SLC24A3: variants seen among roughly 807,000 people sequenced by gnomAD.
SLC24A3 encodes the protein sodium/potassium/calcium exchanger 3.
A neutral mutation model predicts 75.8 loss-of-function variants in SLC24A3; 28 were observed. That is an observed-to-expected ratio of 0.37 (90% CI 0.27 to 0.51). The LOEUF (loss-of-function observed/expected upper bound fraction) is 0.51. SLC24A3 is among the 20% of genes least tolerant of loss of function. The pLI is 0.94. For missense variants in SLC24A3, 663 were observed against 847.8 expected, an observed-to-expected ratio of 0.78 and a Z score of 2.71; for synonymous variants, 372 against 334.1, an observed-to-expected ratio of 1.11 and a Z score of -1.24.
At chr20:19,575,773 A>C (rs1177966361) in intron 3 of SLC24A3, among the ~76,000 whole-genome samples, 1 of 152,214 alleles carries the variant, frequency 6.6e-6, no homozygotes, top group East Asian at 1.9e-4. Context: ...TTTGTAGTGC[A>C]TCTGGTAAAA....
chr20:19,500,027 G>C (rs1435238652), intron 2 of SLC24A3, among the ~76,000 whole-genome samples: 3 of 152,164 alleles, frequency 2.0e-5, no homozygotes, highest in Admixed American at 6.5e-5. Context: ...GAACGACATG[G>C]TGGATGTAGC....
chr20:19,381,365 G>A (rs1986178171), intron 2 of SLC24A3, among the ~76,000 whole-genome samples: 1 of 152,146 alleles, frequency 6.6e-6, no homozygotes, highest in African/African-American at 2.4e-5. Flanking sequence ...GAGCTGAGAA[G>A]AGAAACACAA....
intron 1 of SLC24A3, among the ~76,000 whole-genome samples, chr20:19,254,237 G>A (rs1302999195): frequency 6.8e-6 from 1 of 147,498 alleles, no homozygotes; most frequent in Non-Finnish European, 1.5e-5. Context: ...CGACCCCAGA[G>A]TCTGGCTTCA....
At chr20:19,567,515 G>C (rs1161268715) in intron 3 of SLC24A3, among the ~76,000 whole-genome samples, 1 of 152,192 alleles carries the variant, frequency 6.6e-6, no homozygotes, top group African/African-American at 2.4e-5. Context: ...GAGGGTAGGG[G>C]TGGGAGGAAG....
intron 2 of SLC24A3, among the ~76,000 whole-genome samples, chr20:19,471,885 A>G (rs796564341): frequency 2.6e-5 from 4 of 152,358 alleles, no homozygotes; most frequent in African/African-American, 9.6e-5. Context: ...AAAAAAGAGC[A>G]ACATTTGAAA....
chr20:19,295,149 GTTGT>G (rs759487449), intron 2 of SLC24A3, among the ~76,000 whole-genome samples: 3 of 152,142 alleles, frequency 2.0e-5, no homozygotes, highest in African/African-American at 4.8e-5. Context: ...TTTTAATGGG[GTTGT>G]TTGTTTTTCT....
intron 1 of SLC24A3, among the ~76,000 whole-genome samples, chr20:19,246,995 A>G (rs1600391620): frequency 1.3e-5 from 2 of 152,348 alleles, no homozygotes. Context: ...TTTAATCAAT[A>G]TTTTATTTGT....
intron 3 of SLC24A3, among the ~76,000 whole-genome samples, chr20:19,545,792 G>A (rs1401745540): frequency 6.6e-6 from 1 of 152,182 alleles, no homozygotes; most frequent in Non-Finnish European, 1.5e-5. Context: ...TTTTCCTGAT[G>A]TAAATGGATT....
At chr20:19,595,745 T>C (rs2031443871) in intron 6 of SLC24A3, among the ~76,000 whole-genome samples, 1 of 152,072 alleles carries the variant, frequency 6.6e-6, no homozygotes, top group African/African-American at 2.4e-5. Context: ...CAATCAATGA[T>C]CAGATAATAG....
chr20:19,461,077 G>A (rs1987662892), intron 2 of SLC24A3, among the ~76,000 whole-genome samples: 1 of 152,218 alleles, frequency 6.6e-6, no homozygotes, highest in Admixed American at 6.5e-5. Flanking sequence ...AAGAGATCAA[G>A]GTGAGGCTGA....
chr20:19,519,535 A>G (rs1241759326), intron 3 of SLC24A3, among the ~76,000 whole-genome samples: 1 of 152,204 alleles, frequency 6.6e-6, no homozygotes, highest in African/African-American at 2.4e-5. Flanking sequence ...TTTGTCATGT[A>G]TGGTTTCCTT....
chr20:19,698,485 C>A (rs2032836258), intron 14 of SLC24A3, 83 bp from the exon 15 acceptor site: 2 of 901,682 alleles, frequency 2.2e-6, no homozygotes, highest in Non-Finnish European at 3.5e-6. Context: ...CACTCTCTGG[C>A]TGTGAGACTA....
intron 2 of SLC24A3, among the ~76,000 whole-genome samples, chr20:19,355,769 G>A (rs928286707): frequency 1.3e-5 from 2 of 152,172 alleles, no homozygotes; most frequent in African/African-American, 4.8e-5. Flanking sequence ...AATAACTCCT[G>A]TCAGTTTGAA....
At chr20:19,250,547 G>C (rs777270189) in intron 1 of SLC24A3, among the ~76,000 whole-genome samples, 1 of 152,194 alleles carries the variant, frequency 6.6e-6, no homozygotes, top group Non-Finnish European at 1.5e-5. Flanking sequence ...GTGTGCCAAA[G>C]AATCAGATGT....
chr20:19,289,393 T>C lies in SLC24A3; in HGVS notation c.271+8306T>C, dbSNP rs541053867. Among the ~76,000 whole-genome samples, 5 of 152,344 alleles carry C rather than the reference T, an allele frequency of 3.3e-5. No homozygotes were observed. In the East Asian group the frequency reaches 9.6e-4, roughly 29 times the overall value. ...ATTCTACCTTGGAATTGCTTTCCTC[T>C]GGGGTTCCACAGTAAAGCAGCCACT... On this transcript the variant is annotated intron_variant, in intron 2 of 16. Coordinates refer to ENST00000328041, the MANE Select transcript of SLC24A3 (RefSeq NM_020689.4).
chr20:19,355,391 C>T (rs990319215), intron 2 of SLC24A3, among the ~76,000 whole-genome samples: 8 of 152,174 alleles, frequency 5.3e-5, no homozygotes, highest in Non-Finnish European at 8.8e-5. Context: ...ATGACACATT[C>T]GAAAATAAGT....
In SLC24A3 at chr20:19,299,177, C is replaced by CGTGTGTGTGT. The variant is rs761006484; in HGVS notation, c.271+18101_271+18110dup. ...AGACCACATAATAGTTCTTCCCCTT[C>CGTGTGTGTGT]GTGTGTGTGTGTGTGTGTGTATGTG... On this transcript the variant is annotated intron_variant, in intron 2 of 16. Transcript: ENST00000328041. Among the ~76,000 whole-genome samples, 276 of 130,420 alleles carry CGTGTGTGTGT rather than the reference C, an allele frequency of 2.1e-3. 1 individual carries two copies. The highest frequency in any genetic ancestry group is 8.0e-3 in the African/African-American group (254 of 31,752). The allele number at this position is 130,420 out of a possible 152,430, so 85.6% of individuals were successfully genotyped here. A position where few individuals can be genotyped will look rare whatever the true frequency, so the allele number is the denominator to read the frequency against.
At chr20:19,543,578 A>G (rs1183102138) in intron 3 of SLC24A3, among the ~76,000 whole-genome samples, 1 of 152,172 alleles carries the variant, frequency 6.6e-6, no homozygotes, top group Non-Finnish European at 1.5e-5. Context: ...GCGGTGCTGC[A>G]TGAGAGGTCT....
chr20:19,533,248 G>A (rs759006599), intron 3 of SLC24A3, among the ~76,000 whole-genome samples: 1 of 152,166 alleles, frequency 6.6e-6, no homozygotes, highest in African/African-American at 2.4e-5. Flanking sequence ...CACACAGCTA[G>A]TGTCTCTATG....
Sources: allele counts gnomAD v4.1 joint callset (sites outside exome capture counted in the v4.1 genomes callset), GRCh38; gene constraint gnomAD v4.1.1; transcripts MANE v1.5; gene names NCBI Gene and HGNC (gene_info 2026-07-23, HGNC 2026-07-21).